AFF3: variants seen among roughly 807,000 people sequenced by gnomAD.
AFF3 encodes the protein AF4/FMR2 family member 3.
A neutral mutation model predicts 129.7 loss-of-function variants in AFF3; 32 were observed. The observed-to-expected ratio is 0.25, with a 90% CI of 0.19 to 0.33. The LOEUF (loss-of-function observed/expected upper bound fraction) is 0.33, where lower values mean the gene tolerates loss of function less well. Ranked by LOEUF, AFF3 falls within the 10% of genes least tolerant of loss-of-function variation. The pLI, the probability that AFF3 is intolerant of heterozygous loss-of-function variation, is 1.00. For synonymous variants in AFF3, 644 were observed against 635.4 expected, an observed-to-expected ratio of 1.01 and a Z score of -0.20; for missense variants, 1,373 against 1,592.0, an observed-to-expected ratio of 0.86 and a Z score of 2.34.
rs1453321725 is a variant in AFF3, at chr2:99,602,652, A to G, written c.1185-1031T>C. Among the ~76,000 whole-genome samples, 4 of 152,198 alleles carry G rather than the reference A, an allele frequency of 2.6e-5. No homozygotes were observed. In the South Asian group the frequency reaches 8.3e-4, roughly 32 times the overall value. ...TACCAAAAATGCCGGTCACTCTTGTATGTTGAGTCAGCAAACTGCTTCCAA... is the reference window on the plus strand; with the variant it reads ...TACCAAAAATGCCGGTCACTCTTGTGTGTTGAGTCAGCAAACTGCTTCCAA... On this transcript the variant is annotated intron_variant, in intron 13 of 24. Coordinates refer to ENST00000672756, the MANE Select transcript of AFF3 (RefSeq NM_001386135.1).
Position 99,869,506 on chromosome 2 carries a change from C to T in AFF3, c.874-31982G>A, listed in dbSNP as rs1274314291. Among the ~76,000 whole-genome samples the T allele has an allele frequency of 5.9e-5, 9 of 152,310 alleles. No homozygotes were observed. The East Asian group carries it at 1.7e-3, about 29-fold the overall frequency. On this transcript the variant is annotated intron_variant, in intron 7 of 24. Transcript: ENST00000672756. Reference sequence around the variant, plus strand: ...GCATAGAACCCCATCATTTAAAATGCCACTAATACAATCTTGGAAATTATG... The same window carrying T: ...GCATAGAACCCCATCATTTAAAATGTCACTAATACAATCTTGGAAATTATG...
intron 8 of AFF3, among the ~76,000 whole-genome samples, chr2:99,800,820 A>G (rs1291141992): frequency 1.3e-5 from 2 of 152,196 alleles, no homozygotes; most frequent in African/African-American, 4.8e-5. Flanking sequence ...CAGAAGCCAA[A>G]CAAGAAAGTA....
At chr2:99,997,718 A>C (rs763027633) in intron 7 of AFF3, among the ~76,000 whole-genome samples, 2 of 152,098 alleles carry the variant, frequency 1.3e-5, no homozygotes, top group Non-Finnish European at 2.9e-5. Flanking sequence ...CATCCCATGT[A>C]CACCACTGCA....
chr2:99,781,992 A>AAGCTTAT (rs1684446349), intron 8 of AFF3, among the ~76,000 whole-genome samples: 1 of 152,222 alleles, frequency 6.6e-6, no homozygotes, highest in Admixed American at 6.5e-5. Context: ...TGTGACATTC[A>AAGCTTAT]AGCTTATACA....
At chr2:99,687,548 A>AG (rs955096562) in intron 11 of AFF3, among the ~76,000 whole-genome samples, 43 of 152,302 alleles carry the variant, frequency 2.8e-4, no homozygotes, top group African/African-American at 1.0e-3. Context: ...TCTAGGAGAC[A>AG]GGAGCTAGAG....
intron 7 of AFF3, among the ~76,000 whole-genome samples, chr2:99,966,230 A>G (rs1231665202): frequency 6.6e-6 from 1 of 152,192 alleles, no homozygotes; most frequent in Admixed American, 6.5e-5. Context: ...AATTAGATGG[A>G]CTTAATAGGT....
chr2:99,645,194 G>A (rs974793502), intron 13 of AFF3, among the ~76,000 whole-genome samples: 1 of 152,112 alleles, frequency 6.6e-6, no homozygotes, highest in African/African-American at 2.4e-5. Flanking sequence ...GATTAGCCAG[G>A]CATGGTGGCT....
intron 4 of AFF3, among the ~76,000 whole-genome samples, chr2:100,095,485 A>G (rs2666347): frequency 0.19 from 29,126 of 152,102 alleles, 3,642 homozygotes; most frequent in African/African-American, 0.34. Context: ...GCTAAACACT[A>G]TTGCAAGAAC....
Position 99,777,965 on chromosome 2 carries a change from A to AC in AFF3, c.922-25665_922-25664insG, listed in dbSNP as rs1684064220. On this transcript the variant is annotated intron_variant, in intron 8 of 24. Transcript: ENST00000672756. ...GCAAAAGCAAAAAAAAAAAAAAAAA[A>AC]AAAAAACAAAATGCAAAAATTAGTT... Among the ~76,000 whole-genome samples the AC allele has an allele frequency of 3.3e-5, 5 of 151,808 alleles. 2 individuals are homozygous for AC.
chr2:99,693,903 C>T (rs1675918640), intron 11 of AFF3, among the ~76,000 whole-genome samples: 1 of 151,954 alleles, frequency 6.6e-6, no homozygotes, highest in South Asian at 2.1e-4. Flanking sequence ...TAGAAATCCA[C>T]ATTTCTCATT....
intron 13 of AFF3, among the ~76,000 whole-genome samples, chr2:99,622,151 T>C (rs953476735): frequency 1.3e-5 from 2 of 152,170 alleles, no homozygotes; most frequent in Non-Finnish European, 2.9e-5. Flanking sequence ...AGCCCCACTT[T>C]GGTACAGTCA....
chr2:99,895,733 A>C (rs1485831682), intron 7 of AFF3, among the ~76,000 whole-genome samples: 1 of 152,126 alleles, frequency 6.6e-6, no homozygotes, highest in Non-Finnish European at 1.5e-5. Flanking sequence ...GAAGGGAATA[A>C]ACCATATTTG....
At chr2:99,709,822 C>T (rs952501200) in intron 11 of AFF3, among the ~76,000 whole-genome samples, 5 of 152,190 alleles carry the variant, frequency 3.3e-5, no homozygotes, top group East Asian at 1.9e-4. Flanking sequence ...GCCAATTAAT[C>T]GAACTTGATC....
At chr2:99,698,985 A>G (rs1261993551) in intron 11 of AFF3, among the ~76,000 whole-genome samples, 1 of 152,242 alleles carries the variant, frequency 6.6e-6, no homozygotes, top group Non-Finnish European at 1.5e-5. Flanking sequence ...AGTAAAATAT[A>G]TAAGAAACTT....
At chr2:99,599,716 C>T (rs1370785638) in intron 14 of AFF3, among the ~76,000 whole-genome samples, 1 of 152,186 alleles carries the variant, frequency 6.6e-6, no homozygotes, top group Admixed American at 6.5e-5. Flanking sequence ...TTTGGATATC[C>T]TCACTGCCTG....
Position 99,685,025 on chromosome 2 carries a change from G to A in AFF3, c.1092-12436C>T, listed in dbSNP as rs543774592. Among the ~76,000 whole-genome samples, 14 of 148,844 alleles carry A rather than the reference G, an allele frequency of 9.4e-5. No homozygotes were observed. In the East Asian group the frequency reaches 1.4e-3, roughly 15 times the overall value. On this transcript the variant is annotated intron_variant, in intron 11 of 24. Transcript: ENST00000672756. ...GCTATCTTGGCTCACCACAACCTCCGCCTCCCATGTTCAAGTGACTCTCGT... is the reference window on the plus strand; with the variant it reads ...GCTATCTTGGCTCACCACAACCTCCACCTCCCATGTTCAAGTGACTCTCGT...
At chr2:99,580,273 C>G (rs1338435587) in intron 17 of AFF3, among the ~76,000 whole-genome samples, 2 of 152,168 alleles carry the variant, frequency 1.3e-5, no homozygotes, top group South Asian at 4.1e-4. Flanking sequence ...GGAGTCAAAT[C>G]TGGCCCTTTT....
intron 12 of AFF3, 138 bp downstream of exon 12, chr2:99,672,400 T>C (rs1039177909): frequency 6.9e-6 from 5 of 727,150 alleles, no homozygotes; most frequent in South Asian, 5.7e-5. Flanking sequence ...CCCAACTGCA[T>C]AGAAGCTCAC....
intron 7 of AFF3, among the ~76,000 whole-genome samples, chr2:99,892,457 G>C (rs983932372): frequency 2.0e-5 from 3 of 152,096 alleles, no homozygotes; most frequent in Non-Finnish European, 2.9e-5. Flanking sequence ...TCTTTATAAA[G>C]AGCTTTATAA....
Sources: allele counts gnomAD v4.1 joint callset (sites outside exome capture counted in the v4.1 genomes callset), GRCh38; gene constraint gnomAD v4.1.1; transcripts MANE v1.5; gene names NCBI Gene and HGNC (gene_info 2026-07-23, HGNC 2026-07-21).